Variants in TMEM182 observed in about 807,000 individuals in gnomAD.
The protein encoded by TMEM182 is transmembrane protein 182.
A neutral mutation model predicts 26.8 loss-of-function variants in TMEM182; 20 were observed. The ratio of observed to expected loss-of-function variants is 0.75; its 90% CI spans 0.53 to 1.09. The LOEUF (loss-of-function observed/expected upper bound fraction) is 1.09, where lower values mean the gene tolerates loss of function less well. Among genes scored for constraint, TMEM182 ranks in the 50% least tolerant of loss-of-function variants. The probability of loss-of-function intolerance (pLI) is 0.00; values close to 1 mark genes in which losing one functional copy is unlikely to be tolerated. For missense variants in TMEM182, 277 were observed against 275.5 expected (o/e 1.01, Z -0.04); for synonymous variants, 109 against 102.2 (o/e 1.07, Z -0.40).
At chr2:102,758,363 A>T, upstream of TMEM182, 1 of 686,986 alleles carries the variant, frequency 1.5e-6, no homozygotes, top group Non-Finnish European at 2.7e-6. Flanking sequence ...GGGAAGCAAC[A>T]CTGAATGGCT....
chr2:102,805,801 C>T (rs951038253), intron 4 of TMEM182, among the ~76,000 whole-genome samples: 1 of 152,016 alleles, frequency 6.6e-6, no homozygotes, highest in African/African-American at 2.4e-5. Flanking sequence ...CCCAGCTACT[C>T]GGGAGGCTGA....
downstream of TMEM182, among the ~76,000 whole-genome samples, chr2:102,818,647 A>C (rs988649488): frequency 1.3e-5 from 2 of 152,268 alleles, no homozygotes; most frequent in Admixed American, 1.3e-4. Context: ...TTCAGCTATG[A>C]CTGAAAAATT....
chr2:102,818,759 T>TATCC (rs1553444828), downstream of TMEM182, among the ~76,000 whole-genome samples: 5 of 79,508 alleles, frequency 6.3e-5, no homozygotes, highest in Admixed American at 6.6e-4. Flanking sequence ...TCTATCTATC[T>TATCC]ATCTATCTAT....
intron 3 of TMEM182, among the ~76,000 whole-genome samples, chr2:102,826,284 G>A (rs374899096): frequency 7.4e-5 from 11 of 148,908 alleles, no homozygotes; most frequent in South Asian, 2.1e-4. Flanking sequence ...CCAGTGCAGC[G>A]TACAGTCTGC....
Position 102,762,194 on chromosome 2 carries a change from T to C in TMEM182, c.-24T>C. ...CCATTTTAAAATTTCATATTTTATT[T>C]AAAAGGAAACCAGTGAATTGAAAAT... is the stretch of plus-strand genomic sequence containing the variant. On this transcript the variant is annotated 5_prime_UTR_variant, in exon 1 of 5. Transcript: ENST00000412401. 6.3e-7 allele frequency: 1 copy of C among 1,596,506 alleles called. No individual in the cohort carries two copies. Among genetic ancestry groups the C allele is most frequent in the Non-Finnish European group, 8.6e-7 (1 of 1,168,658 alleles).
At position 102,751,636 on chromosome 2, in the gene TMEM182, A is replaced by G. The variant is rs1679879546; in HGVS notation, c.-82-6753A>G. ...CCTTACCAAGGACTTTCCTACCCTC[A>G]CTATCTGCTACATAACTTCTTCTTA... On this transcript the variant is annotated intron_variant, in intron 1 of 5. Coordinates refer to the TMEM182 transcript ENST00000409173. 1.3e-5 allele frequency among the ~76,000 whole-genome samples: 2 copies of G among 151,910 alleles called. 1 individual carries two copies. The highest frequency in any genetic ancestry group is 4.1e-4 in the South Asian group (2 of 4,822).
intron 4 of TMEM182, among the ~76,000 whole-genome samples, chr2:102,801,769 C>T (rs900798972): frequency 6.6e-6 from 1 of 152,178 alleles, no homozygotes; most frequent in African/African-American, 2.4e-5. Flanking sequence ...TCCTTTGTGT[C>T]CTAGCTTCTT....
chr2:102,779,049 G>A (rs550105408), intron 3 of TMEM182, among the ~76,000 whole-genome samples: 11 of 152,056 alleles, frequency 7.2e-5, no homozygotes, highest in Non-Finnish European at 7.4e-5. Flanking sequence ...ATCTGAGGAT[G>A]TCTTGATTTT....
In TMEM182 at chr2:102,816,512, A is replaced by G; in HGVS notation, c.*1544A>G. On this transcript the variant is annotated 3_prime_UTR_variant, in exon 5 of 5. Transcript: ENST00000412401. The stretch of plus-strand genomic sequence containing the variant: ...GGCATTTTCATGACAGGACTTGCCA[A>G]TAATAATAATAATAATAATAATAAT... The G allele has an allele frequency of 1.4e-6, 1 of 702,940 alleles. No individual in the cohort carries two copies. Among genetic ancestry groups the G allele is most frequent in the African/African-American group, 1.9e-5 (1 of 51,370 alleles). The allele number at this position is 702,940 out of a possible 1,614,324, so 43.5% of individuals were successfully genotyped here. A position where few individuals can be genotyped will look rare whatever the true frequency, so the allele number is the denominator to read the frequency against.
At chr2:102,744,207 C>T (rs963972777) in intron 1 of TMEM182, among the ~76,000 whole-genome samples, 1 of 152,128 alleles carries the variant, frequency 6.6e-6, no homozygotes, top group Non-Finnish European at 1.5e-5. Context: ...ACAATAAAAA[C>T]TATACTTTCA....
intron 1 of TMEM182, among the ~76,000 whole-genome samples, chr2:102,752,505 G>A (rs1292814245): frequency 6.6e-6 from 1 of 152,208 alleles, no homozygotes; most frequent in African/African-American, 2.4e-5. Context: ...AGCACCTTCA[G>A]CAGGCCTGGG....
intron 3 of TMEM182, among the ~76,000 whole-genome samples, chr2:102,772,011 C>A (rs921213406): frequency 2.0e-5 from 3 of 152,150 alleles, no homozygotes; most frequent in Non-Finnish European, 2.9e-5. Flanking sequence ...AACCCAGGCC[C>A]AGGATCTTCT....
chr2:102,841,977 A>AG (rs1485441099), intron 3 of TMEM182, among the ~76,000 whole-genome samples: 3 of 152,244 alleles, frequency 2.0e-5, no homozygotes, highest in Non-Finnish European at 4.4e-5. Context: ...AGTATCTAGC[A>AG]TGGTTAGTTA....
At chr2:102,819,826 G>A (rs1377996136), downstream of TMEM182, among the ~76,000 whole-genome samples, 2 of 152,126 alleles carry the variant, frequency 1.3e-5, no homozygotes. Context: ...CATGCTTGTT[G>A]CACTGGTGAG....
intron 3 of TMEM182, among the ~76,000 whole-genome samples, chr2:102,795,371 C>T (rs931910453): frequency 6.6e-6 from 1 of 152,112 alleles, no homozygotes; most frequent in Non-Finnish European, 1.5e-5. Flanking sequence ...TGTCAAAATT[C>T]AAAGTGTTAA....
At chr2:102,791,306 A>G (rs1320632383) in intron 3 of TMEM182, among the ~76,000 whole-genome samples, 1 of 152,224 alleles carries the variant, frequency 6.6e-6, no homozygotes, top group Non-Finnish European at 1.5e-5. Context: ...ATAAAGGGAA[A>G]TGTTAGAAAA....
chr2:102,759,927 T>G (rs1680156706), upstream of TMEM182, among the ~76,000 whole-genome samples: 1 of 152,084 alleles, frequency 6.6e-6, no homozygotes, highest in African/African-American at 2.4e-5. Flanking sequence ...GGTTCCCGGG[T>G]TTTCATGTAA....
intron 4 of TMEM182, among the ~76,000 whole-genome samples, chr2:102,804,402 G>A (rs141378499): frequency 1.6e-4 from 25 of 152,068 alleles, no homozygotes; most frequent in Admixed American, 7.9e-4. Context: ...TAGTGAAAAC[G>A]TACAATGTTT....
chr2:102,801,279 A>T (rs1164221443), intron 4 of TMEM182, among the ~76,000 whole-genome samples: 1 of 152,192 alleles, frequency 6.6e-6, no homozygotes, highest in African/African-American at 2.4e-5. Context: ...CTCAGGGTAA[A>T]GCAGGAGGAT....
Sources: allele counts gnomAD v4.1 joint callset (sites outside exome capture counted in the v4.1 genomes callset), GRCh38; gene constraint gnomAD v4.1.1; transcripts MANE v1.5; gene names NCBI Gene and HGNC (gene_info 2026-07-23, HGNC 2026-07-21).